Variants in NAALAD2 observed in about 807,000 individuals in gnomAD.
NAALAD2 encodes N-acetylated alpha-linked acidic dipeptidase 2, also known as N-acetylated-alpha-linked acidic dipeptidase 2.
A neutral mutation model predicts 95.6 loss-of-function variants in NAALAD2; 89 were observed. The observed-to-expected ratio is 0.93, with a 90% CI of 0.78 to 1.11. The LOEUF is 1.11. NAALAD2 is among the 50% of genes least tolerant of loss of function. The probability of loss-of-function intolerance (pLI) is 0.00; values close to 1 mark genes in which losing one functional copy is unlikely to be tolerated. For missense variants in NAALAD2, 894 were observed against 872.4 expected (o/e 1.02, Z -0.31); for synonymous variants, 264 against 294.4 (o/e 0.90, Z 1.06).
chr11:90,147,685 T>C (rs2000531), intron 3 of NAALAD2, among the ~76,000 whole-genome samples, 169 bp downstream of exon 3: 68,262 of 151,566 alleles, frequency 0.45, 16,365 homozygotes, highest in African/African-American at 0.62. Flanking sequence ...TAAGGCATGG[T>C]TCCTTTGCCT....
chr11:90,182,031 G>A (rs1384308043), intron 17 of NAALAD2, among the ~76,000 whole-genome samples: 1 of 151,788 alleles, frequency 6.6e-6, no homozygotes, highest in African/African-American at 2.4e-5. Flanking sequence ...AAAGGTACCT[G>A]TCATTAGGAG....
At chr11:90,155,073 T>A (rs1008685079) in intron 6 of NAALAD2, among the ~76,000 whole-genome samples, 9 of 121,790 alleles carry the variant, frequency 7.4e-5, no homozygotes. Context: ...CATATGTATA[T>A]ATGTGTGTAT....
At chr11:90,156,762 T>C (rs1402341333) in intron 6 of NAALAD2, among the ~76,000 whole-genome samples, 1 of 152,128 alleles carries the variant, frequency 6.6e-6, no homozygotes, top group Non-Finnish European at 1.5e-5. Context: ...AATTTTTTAA[T>C]GTTTACTTTT....
chr11:90,139,668 T>C (rs1174669310), intron 2 of NAALAD2, among the ~76,000 whole-genome samples: 1 of 152,134 alleles, frequency 6.6e-6, no homozygotes, highest in Non-Finnish European at 1.5e-5. Flanking sequence ...TTGCTTTAAA[T>C]TATCATAGAA....
At chr11:90,147,820 G>A (rs184669568) in intron 3 of NAALAD2, among the ~76,000 whole-genome samples, 1 of 152,194 alleles carries the variant, frequency 6.6e-6, no homozygotes, top group Non-Finnish European at 1.5e-5. Flanking sequence ...CTGGGAGTTA[G>A]ACAATGTTTC....
At chr11:90,177,297 C>T (rs1952820077) in intron 15 of NAALAD2, among the ~76,000 whole-genome samples, 1 of 149,940 alleles carries the variant, frequency 6.7e-6, no homozygotes, top group South Asian at 2.1e-4. Flanking sequence ...AAGCTGTGTA[C>T]TTAGCTGCCC....
intron 2 of NAALAD2, among the ~76,000 whole-genome samples, chr11:90,141,863 C>CT (rs1470403253): frequency 6.6e-6 from 1 of 152,070 alleles, no homozygotes; most frequent in Non-Finnish European, 1.5e-5. Flanking sequence ...CATTTCATTT[C>CT]TTTTTTCTTT....
intron 2 of NAALAD2, among the ~76,000 whole-genome samples, chr11:90,138,569 T>C (rs561649096): frequency 1.3e-5 from 2 of 152,178 alleles, no homozygotes; most frequent in East Asian, 3.9e-4. Flanking sequence ...TATCATCTTG[T>C]TTTCTGGCAT....
Position 90,152,285 on chromosome 11 carries a change from A to G in NAALAD2, c.610-13A>G. 6.3e-7 allele frequency: 1 copy of G among 1,575,482 alleles called. No homozygotes were observed. The highest frequency in any genetic ancestry group is 8.7e-7 in the Non-Finnish European group (1 of 1,152,152). ...GCCATATCTGCATTATGAATTGCAC[A>G]TTGCCCCTGCAGGTTAAAAATGCCA... On this transcript the variant is annotated splice_polypyrimidine_tract_variant and intron_variant, in intron 5 of 18. Transcript: ENST00000534061.
chr11:90,154,301 G>C (rs1327769164), intron 6 of NAALAD2, among the ~76,000 whole-genome samples: 1 of 151,704 alleles, frequency 6.6e-6, no homozygotes, highest in Non-Finnish European at 1.5e-5. Flanking sequence ...CATTCCCTTT[G>C]TCACAATGAG....
intron 2 of NAALAD2, among the ~76,000 whole-genome samples, chr11:90,138,725 CTTTTTTTT>C (rs562496549): frequency 6.5e-5 from 4 of 61,526 alleles, no homozygotes; most frequent in African/African-American, 1.7e-4. Context: ...CATCCCTCAA[CTTTTTTTT>C]TTTTTTTTTT....
At chr11:90,153,857 G>A (rs904570329) in intron 6 of NAALAD2, among the ~76,000 whole-genome samples, 9 of 151,902 alleles carry the variant, frequency 5.9e-5, no homozygotes, top group African/African-American at 9.7e-5. Context: ...GGAAATGAAA[G>A]CATTATTCTA....
chr11:90,138,634 C>G (rs1188587512), intron 2 of NAALAD2, among the ~76,000 whole-genome samples: 1 of 150,420 alleles, frequency 6.6e-6, no homozygotes, highest in Non-Finnish European at 1.5e-5. Context: ...AAGTATTCAT[C>G]TCCATCAAAT....
In NAALAD2 at chr11:90,157,739, T is replaced by TC. The variant is rs202209484; in HGVS notation, c.797-405dup. 2.5e-3 allele frequency among the ~76,000 whole-genome samples: 377 copies of TC among 152,064 alleles called. 1 individual carries two copies. Among genetic ancestry groups the TC allele is most frequent in the African/African-American group, 8.2e-3 (342 of 41,458 alleles). On this transcript the variant is annotated intron_variant, in intron 6 of 18. Coordinates refer to ENST00000534061, the MANE Select transcript of NAALAD2 (RefSeq NM_005467.4). ...TGACTTTTGGGGAACTTTTTTTTTT[T>TC]CAGACAGAGTCTTGCTCCGTCTCCA...
chr11:90,145,039 A>G (rs575640415), intron 2 of NAALAD2, among the ~76,000 whole-genome samples: 3 of 152,290 alleles, frequency 2.0e-5, no homozygotes, highest in African/African-American at 7.2e-5. Context: ...TCTCTTGATT[A>G]GTCCATAAGC....
chr11:90,190,987 AACTT>A (rs1857307057), intron 18 of NAALAD2, among the ~76,000 whole-genome samples: 1 of 152,114 alleles, frequency 6.6e-6, no homozygotes, highest in African/African-American at 2.4e-5. Flanking sequence ...GCAACTATAA[AACTT>A]TCTTTTTAGA....
In NAALAD2 at chr11:90,138,725, C is replaced by CTTTTTTTTT. The variant is rs562496549; in HGVS notation, c.194+3081_194+3089dup. Among the ~76,000 whole-genome samples the CTTTTTTTTT allele has an allele frequency of 1.1e-4, 7 of 61,524 alleles. 1 individual carries two copies. The highest frequency in any genetic ancestry group is 2.8e-4 in the African/African-American group (5 of 17,780). 40.4% of individuals were successfully genotyped at this position (61,524 alleles called of 152,430 possible). A position where few individuals can be genotyped will look rare whatever the true frequency, so the allele number is the denominator to read the frequency against. ...TATCATGAAACCCTTCATCCCTCAA[C>CTTTTTTTTT]TTTTTTTTTTTTTTTTTTTTTTTTT... On this transcript the variant is annotated intron_variant, in intron 2 of 18. Coordinates refer to ENST00000534061, the MANE Select transcript of NAALAD2 (RefSeq NM_005467.4).
intron 16 of NAALAD2, among the ~76,000 whole-genome samples, chr11:90,180,598 G>T (rs917072163): frequency 1.3e-5 from 2 of 151,904 alleles, no homozygotes; most frequent in Non-Finnish European, 2.9e-5. Context: ...AGCTGTAAGT[G>T]CTTTATCTAT....
chr11:90,181,726 TAAAAAAA>T lies in NAALAD2; in HGVS notation c.1940+35_1940+41del, dbSNP rs3832738. 9.0e-4 allele frequency: 881 copies of T among 982,276 alleles called. 3 individuals carry two copies. The East Asian group carries it at 0.011, about 12-fold the overall frequency. The allele number at this position is 982,276 out of a possible 1,614,324, so 60.8% of individuals were successfully genotyped here. On this transcript the variant is annotated intron_variant, in intron 17 of 18. Coordinates refer to ENST00000534061, the MANE Select transcript of NAALAD2 (RefSeq NM_005467.4). ...AGTAAGTTTCAAATCCCTTTTTTTT[TAAAAAAA>T]AAAAAAAAAGCAATCTGGTTACTAG... is the stretch of plus-strand genomic sequence containing the variant.
Sources: allele counts gnomAD v4.1 joint callset (sites outside exome capture counted in the v4.1 genomes callset), GRCh38; gene constraint gnomAD v4.1.1; transcripts MANE v1.5; gene names NCBI Gene and HGNC (gene_info 2026-07-23, HGNC 2026-07-21).